Variants in CHST9 observed in about 807,000 individuals in gnomAD.
CHST9 encodes the protein GalNAc-4-sulfotransferase 2.
A neutral mutation model predicts 44.4 loss-of-function variants in CHST9; 41 were observed. That is an observed-to-expected ratio of 0.92 (90% CI 0.72 to 1.20). The LOEUF is 1.20. CHST9 is among the 50% of genes most tolerant of loss of function. CHST9 has a pLI of 0.00. For synonymous variants in CHST9, 171 were observed against 178.4 expected (o/e 0.96, Z 0.33); for missense variants, 504 against 516.5 (o/e 0.98, Z 0.23).
chr18:27,086,049 T>C (rs766709046), intron 2 of CHST9, among the ~76,000 whole-genome samples: 17 of 152,132 alleles, frequency 1.1e-4, no homozygotes, highest in Non-Finnish European at 2.5e-4. Flanking sequence ...TTCTCACTTA[T>C]AAGTGGGAGC....
At chr18:26,974,445 T>C (rs1219749220) in intron 4 of CHST9, among the ~76,000 whole-genome samples, 1 of 152,206 alleles carries the variant, frequency 6.6e-6, no homozygotes, top group African/African-American at 2.4e-5. Context: ...GAATAAGATA[T>C]GAAGTATGTT....
At chr18:26,951,901 G>T (rs561730984) in intron 4 of CHST9, among the ~76,000 whole-genome samples, 1 of 152,288 alleles carries the variant, frequency 6.6e-6, no homozygotes, top group African/African-American at 2.4e-5. Flanking sequence ...GCCAGAGGAA[G>T]ATCTTGGTGA....
intron 2 of CHST9, among the ~76,000 whole-genome samples, chr18:27,131,922 A>T (rs1224456578): frequency 6.6e-6 from 1 of 152,232 alleles, no homozygotes; most frequent in East Asian, 1.9e-4. Flanking sequence ...TTAACCTATA[A>T]GCCCTCACTT....
intron 1 of CHST9, among the ~76,000 whole-genome samples, chr18:27,146,852 G>T (rs998877722): frequency 7.2e-5 from 11 of 151,968 alleles, no homozygotes; most frequent in Non-Finnish European, 2.9e-5. Flanking sequence ...ATTTTCATTT[G>T]CATATCTTTT....
intron 2 of CHST9, among the ~76,000 whole-genome samples, chr18:27,054,837 CAT>C (rs1375290271): frequency 2.0e-5 from 3 of 152,006 alleles, no homozygotes; most frequent in Admixed American, 6.6e-5. Context: ...CATGCACACA[CAT>C]GTATGTTTAT....
chr18:27,153,763 G>T (rs569144541), intron 1 of CHST9, among the ~76,000 whole-genome samples: 1 of 152,066 alleles, frequency 6.6e-6, no homozygotes, highest in Non-Finnish European at 1.5e-5. Flanking sequence ...TATCTTTTTG[G>T]GGTCACCATT....
At chr18:26,924,868 C>T (rs535849275) in intron 5 of CHST9, 1 of 152,284 alleles carries the variant, frequency 6.6e-6, no homozygotes, top group African/African-American at 2.4e-5. Context: ...TCCTAATATC[C>T]AGTGCCATCT....
At chr18:27,155,574 A>G (rs904639155) in intron 1 of CHST9, among the ~76,000 whole-genome samples, 3 of 152,184 alleles carry the variant, frequency 2.0e-5, no homozygotes, top group Non-Finnish European at 4.4e-5. Context: ...AGAACAACTC[A>G]TAACAAATCT....
At chr18:27,139,726 C>T (rs1352806783) in intron 2 of CHST9, among the ~76,000 whole-genome samples, 6 of 152,006 alleles carry the variant, frequency 3.9e-5, no homozygotes, top group Non-Finnish European at 5.9e-5. Context: ...TAAAATATAT[C>T]AAGAATCAGG....
intron 2 of CHST9, among the ~76,000 whole-genome samples, chr18:27,062,819 C>T (rs542674789): frequency 6.6e-6 from 1 of 152,304 alleles, no homozygotes; most frequent in East Asian, 1.9e-4. Flanking sequence ...CTCTCCAACA[C>T]CTGTTGTTTC....
intron 2 of CHST9, among the ~76,000 whole-genome samples, chr18:27,076,733 G>A (rs917911905): frequency 3.3e-5 from 5 of 152,148 alleles, no homozygotes; most frequent in African/African-American, 9.7e-5. Context: ...CTCTGTGTAA[G>A]CTTTGAATCC....
rs139910968 is a variant in CHST9, at chr18:27,129,166, C to T, written c.121+13523G>A. 4.8e-3 allele frequency among the ~76,000 whole-genome samples: 728 copies of T among 151,428 alleles called. 5 individuals carry two copies. The highest frequency in any genetic ancestry group is 0.017 in the African/African-American group (705 of 40,804). ...TACTTTCAAGTTTCTGTATAAAACACGATAAAACTTTTAGCATTCTGTGAC... is the reference window on the plus strand; with the variant it reads ...TACTTTCAAGTTTCTGTATAAAACATGATAAAACTTTTAGCATTCTGTGAC... On this transcript the variant is annotated intron_variant, in intron 2 of 5. Transcript: ENST00000618847.
chr18:26,934,090 C>A (rs1006995232), intron 5 of CHST9, among the ~76,000 whole-genome samples: 11 of 152,060 alleles, frequency 7.2e-5, no homozygotes, highest in African/African-American at 2.4e-4. Flanking sequence ...TGAGTGCGAA[C>A]GGCCCAAGAT....
intron 2 of CHST9, among the ~76,000 whole-genome samples, chr18:27,105,352 T>A (rs2058211884): frequency 6.6e-6 from 1 of 152,182 alleles, no homozygotes; most frequent in South Asian, 2.1e-4. Context: ...TTTCTTCTCC[T>A]TGACTTCTCC....
intron 2 of CHST9, among the ~76,000 whole-genome samples, chr18:27,115,453 T>G (rs1236386356): frequency 6.6e-6 from 1 of 152,204 alleles, no homozygotes; most frequent in Non-Finnish European, 1.5e-5. Context: ...CCAAAGTGGC[T>G]GAACCATCTT....
chr18:26,929,974 C>T (rs367552877), intron 5 of CHST9, among the ~76,000 whole-genome samples: 71 of 152,250 alleles, frequency 4.7e-4, no homozygotes, highest in African/African-American at 1.6e-3. Context: ...TTGCCATGTG[C>T]GAGAGTAGTA....
chr18:27,062,024 G>T (rs545534979), intron 2 of CHST9, among the ~76,000 whole-genome samples: 2 of 152,028 alleles, frequency 1.3e-5, no homozygotes, highest in Non-Finnish European at 2.9e-5. Flanking sequence ...CAGCTCCTGC[G>T]TTAAGTCCAC....
chr18:27,039,965 A>T (rs1413346706), intron 3 of CHST9, among the ~76,000 whole-genome samples: 1 of 152,164 alleles, frequency 6.6e-6, no homozygotes, highest in African/African-American at 2.4e-5. Flanking sequence ...TATCAGTGAA[A>T]CAGAGAACTA....
intron 3 of CHST9, among the ~76,000 whole-genome samples, chr18:27,040,815 A>G (rs1396538459): frequency 6.6e-6 from 1 of 152,142 alleles, no homozygotes; most frequent in African/African-American, 2.4e-5. Flanking sequence ...CAAGTTAGGC[A>G]TCTGTTTCTT....
Sources: gnomAD v4.1 joint callset for allele counts (sites outside exome capture counted in the v4.1 genomes callset) on GRCh38, gnomAD v4.1.1 for gene constraint, MANE v1.5 for transcripts, NCBI Gene and HGNC (gene_info 2026-07-23, HGNC 2026-07-21) for gene names.